MLKL: variants seen among roughly 807,000 people sequenced by gnomAD.
MLKL encodes the protein mixed lineage kinase domain-like protein.
MLKL carries 55 observed loss-of-function variants against 56.5 expected under a neutral mutation model. The ratio of observed to expected loss-of-function variants is 0.97; its 90% CI spans 0.78 to 1.22. MLKL has a LOEUF of 1.22. Among genes scored for constraint, MLKL ranks in the 50% most tolerant of loss-of-function variants. The pLI, the probability that MLKL is intolerant of heterozygous loss-of-function variation, is 0.00. For synonymous variants in MLKL, 251 were observed against 208.3 expected (o/e 1.20, Z -1.76); for missense variants, 694 against 573.9 (o/e 1.21, Z -2.14).
chr16:74,697,868 T>G (rs529435972), intron 1 of MLKL, among the ~76,000 whole-genome samples: 4 of 152,106 alleles, frequency 2.6e-5, no homozygotes, highest in Middle Eastern at 6.8e-3. Context: ...GGAGGTTGCA[T>G]TCAAATAATC....
chr16:74,698,894 A>G (rs958109253), intron 1 of MLKL, among the ~76,000 whole-genome samples: 1 of 152,196 alleles, frequency 6.6e-6, no homozygotes, highest in Non-Finnish European at 1.5e-5. Flanking sequence ...CAGGTGGATC[A>G]CCTGAGGTCG....
At chr16:74,674,712 G>C (rs1256147201) in intron 10 of MLKL, among the ~76,000 whole-genome samples, 1 of 152,116 alleles carries the variant, frequency 6.6e-6, no homozygotes, top group East Asian at 1.9e-4. Context: ...CAAAGGGCTA[G>C]AATTACAGGC....
chr16:74,693,465 A>AG (rs1396830322), intron 2 of MLKL, among the ~76,000 whole-genome samples: 2 of 96,456 alleles, frequency 2.1e-5, no homozygotes, highest in Non-Finnish European at 4.2e-5. Context: ...AAAAAAAAAA[A>AG]AAAGAAAAGA....
chr16:74,698,079 C>T (rs1052614617), intron 1 of MLKL, among the ~76,000 whole-genome samples: 2 of 151,742 alleles, frequency 1.3e-5, no homozygotes, highest in Admixed American at 6.6e-5. Context: ...GTGGTGCTTG[C>T]CTGTAGTCCC....
At chr16:74,691,631 G>A (rs533359075) in intron 3 of MLKL, among the ~76,000 whole-genome samples, 168 bp from the exon 4 acceptor site, 1 of 152,308 alleles carries the variant, frequency 6.6e-6, no homozygotes, top group East Asian at 1.9e-4. Flanking sequence ...AGCGGCTCCC[G>A]TGCCTCTGAG....
At chr16:74,672,867 G>A (rs1490404864) in intron 10 of MLKL, among the ~76,000 whole-genome samples, 3 of 152,182 alleles carry the variant, frequency 2.0e-5, no homozygotes, top group Non-Finnish European at 4.4e-5. Context: ...AGAGTGTAGT[G>A]GAGGACAGCA....
At chr16:74,678,412 G>A (rs1030834429) in intron 7 of MLKL, 1 of 163,152 alleles carries the variant, frequency 6.1e-6, no homozygotes, top group Admixed American at 6.0e-5. Context: ...CGGCATAGAT[G>A]GAGACTGTTG....
At chr16:74,693,453 C>CAAAAAAAAA (rs71158538) in intron 2 of MLKL, among the ~76,000 whole-genome samples, 1 of 35,390 alleles carries the variant, frequency 2.8e-5, no homozygotes, top group Admixed American at 4.2e-4. Context: ...GACTCTGTCT[C>CAAAAAAAAA]AAAAAAAAAA....
At chr16:74,694,063 T>G (rs1024722533) in intron 2 of MLKL, among the ~76,000 whole-genome samples, 4 of 152,084 alleles carry the variant, frequency 2.6e-5, no homozygotes, top group Admixed American at 2.0e-4. Context: ...AGCTATATAA[T>G]TCAATGGATA....
rs374694183 is a variant in MLKL, at chr16:74,678,858, A to T, written c.1038+41T>A. The stretch of plus-strand genomic sequence containing the variant: ...TCGTGCCCCTCTCATAGCACCAGTC[A>T]TGCAGGTTTGACCCAAAGCGCCCCC... On this transcript the variant is annotated intron_variant, in intron 7 of 10. Coordinates refer to ENST00000308807, the MANE Select transcript of MLKL (RefSeq NM_152649.4). 2.1e-6 allele frequency: 3 copies of T among 1,452,148 alleles called. No individual in the cohort carries two copies. In the African/African-American group the frequency reaches 4.2e-5, roughly 20 times the overall value. 90.0% of individuals were successfully genotyped at this position (1,452,148 alleles called of 1,614,324 possible).
At chr16:74,683,038 C>T (rs528611784) in intron 5 of MLKL, among the ~76,000 whole-genome samples, 13 of 152,160 alleles carry the variant, frequency 8.5e-5, no homozygotes, top group Middle Eastern at 3.4e-3. Context: ...TGGCTGGGTG[C>T]GTTGGCTCAT....
At chr16:74,676,508 G>A (rs1007204655) in intron 7 of MLKL, 9 of 971,648 alleles carry the variant, frequency 9.3e-6, no homozygotes, top group African/African-American at 3.5e-5. Flanking sequence ...TTGCTCACAC[G>A]TTTCCTGAGC....
Position 74,672,186 on chromosome 16 carries a change from T to G in MLKL, c.*318A>C, listed in dbSNP as rs1959267748. ...ATCAAGTCACAGTGCCAGCCCAGAT[T>G]CAAATGGTGGGGAAAGAGACTTCAT... On this transcript the variant is annotated 3_prime_UTR_variant, in exon 11 of 11. Transcript: ENST00000308807. The G allele has an allele frequency of 3.7e-6, 1 of 266,764 alleles. No homozygotes were observed. The highest frequency in any genetic ancestry group is 7.2e-6 in the Non-Finnish European group (1 of 138,602). The allele number at this position is 266,764 out of a possible 1,614,324, so 16.5% of individuals were successfully genotyped here. A position where few individuals can be genotyped will look rare whatever the true frequency, so the allele number is the denominator to read the frequency against.
chr16:74,683,412 A>T (rs1379120929), intron 5 of MLKL, among the ~76,000 whole-genome samples: 1 of 151,514 alleles, frequency 6.6e-6, no homozygotes, highest in South Asian at 2.1e-4. Context: ...CCTGGCCAAC[A>T]TGATGAAACC....
chr16:74,696,683 C>T (rs11859235), intron 1 of MLKL, among the ~76,000 whole-genome samples: 3,066 of 151,116 alleles, frequency 0.02, 109 homozygotes, highest in African/African-American at 0.071. Context: ...ATTGGCTGGG[C>T]GCGGTGACTC....
intron 4 of MLKL, among the ~76,000 whole-genome samples, chr16:74,689,008 C>T (rs1960501898): frequency 6.6e-6 from 1 of 152,004 alleles, no homozygotes; most frequent in African/African-American, 2.4e-5. Context: ...TCTATAGAGA[C>T]AGAAGGTAGG....
intron 5 of MLKL, 74 bp from the exon 6 acceptor site, chr16:74,682,860 C>T: frequency 2.6e-6 from 4 of 1,549,502 alleles, no homozygotes; most frequent in Non-Finnish European, 3.5e-6. Context: ...CCACCTCTCC[C>T]AGCCTCGGTA....
chr16:74,693,367 C>G (rs1249555461), intron 2 of MLKL, among the ~76,000 whole-genome samples: 2 of 147,752 alleles, frequency 1.4e-5, no homozygotes, highest in Non-Finnish European at 3.0e-5. Flanking sequence ...ACTGGGGTGA[C>G]TGAGGCACAA....
At chr16:74,686,012 T>C (rs1338482931) in intron 4 of MLKL, among the ~76,000 whole-genome samples, 2 of 150,644 alleles carry the variant, frequency 1.3e-5, no homozygotes, top group East Asian at 2.0e-4. Flanking sequence ...CAGGCTGGAG[T>C]GCAGTGGTGC....
Sources: gnomAD v4.1 joint callset for allele counts (sites outside exome capture counted in the v4.1 genomes callset) on GRCh38, gnomAD v4.1.1 for gene constraint, MANE v1.5 for transcripts, NCBI Gene and HGNC (gene_info 2026-07-23, HGNC 2026-07-21) for gene names.